The following DNAAF5 variants were observed in gnomAD, a reference collection of about 807,000 sequenced individuals.
The protein encoded by DNAAF5 is dynein axonemal assembly factor 5.
DNAAF5 carries 64 observed loss-of-function variants against 75.8 expected under a neutral mutation model. That is an observed-to-expected ratio of 0.84 (90% CI 0.69 to 1.04). The LOEUF (loss-of-function observed/expected upper bound fraction) is 1.04, where lower values mean the gene tolerates loss of function less well. Ranked by LOEUF, DNAAF5 falls within the 50% of genes least tolerant of loss-of-function variation. DNAAF5 has a pLI of 0.00. For synonymous variants in DNAAF5, 657 were observed against 557.2 expected, an observed-to-expected ratio of 1.18 and a Z score of -2.52; for missense variants, 1,269 against 1,178.5, an observed-to-expected ratio of 1.08 and a Z score of -1.12.
Position 727,222 on chromosome 7 carries a change from C to G in DNAAF5, c.502C>G (p.Leu168Val), listed in dbSNP as rs900496106. Reference sequence around the variant, plus strand: ...GCTCGCGCCCCACCTGGACGACGCTCTGCGCGCGCTGCGCTGCTCCCTGCT... The same window carrying G: ...GCTCGCGCCCCACCTGGACGACGCTGTGCGCGCGCTGCGCTGCTCCCTGCT... The part of the protein sequence containing the change: ...AALAPHLDDA[L>V]RALRCSLLDP... Residue 168 changes from leucine to valine, a missense_variant, in exon 1 of 13, where the codon CTG (leucine) becomes GTG (valine). Physicochemically the swap from Leu to Val is conservative, Grantham distance 32 (BLOSUM62 1). Transcript: ENST00000297440. The G allele has an allele frequency of 2.1e-4, 289 of 1,347,788 alleles. No individual in the cohort carries two copies. Among genetic ancestry groups the G allele is most frequent in the Non-Finnish European group, 2.7e-4 (282 of 1,049,660 alleles). 83.5% of individuals were successfully genotyped at this position (1,347,788 alleles called of 1,614,324 possible).
intron 8 of DNAAF5, among the ~76,000 whole-genome samples, chr7:766,106 A>G (rs897278932): frequency 3.9e-5 from 6 of 152,202 alleles, no homozygotes; most frequent in Non-Finnish European, 7.3e-5. Flanking sequence ...TGGGATTAAC[A>G]GGCATAAGCC....
At chr7:783,861 G>C (rs1199872037) in intron 12 of DNAAF5, among the ~76,000 whole-genome samples, 1 of 152,112 alleles carries the variant, frequency 6.6e-6, no homozygotes, top group African/African-American at 2.4e-5. Flanking sequence ...CTTGCTCTAG[G>C]CCGAGGAGAC....
intron 8 of DNAAF5, among the ~76,000 whole-genome samples, chr7:766,843 A>C (rs921962360): frequency 3.9e-5 from 6 of 152,180 alleles, no homozygotes; most frequent in African/African-American, 7.2e-5. Flanking sequence ...CCAAACAAAC[A>C]GGCAAAATAT....
intron 2 of DNAAF5, among the ~76,000 whole-genome samples, chr7:738,057 C>G (rs1204510359): frequency 4.6e-5 from 7 of 152,132 alleles, no homozygotes; most frequent in Non-Finnish European, 7.3e-5. Flanking sequence ...TAGATTTGCC[C>G]CTTTGAGGCT....
rs1304676375 is a variant in DNAAF5, at chr7:756,917, C to T, written c.1393C>T (p.Arg465Ter). ...VLASAMRGCPREALQPHLAAI... is the reference protein window; with the variant it reads ...VLASAMRGCP ...GGCCTCCGCCATGCGGGGTTGCCCCCGAGAAGCCCTCCAGCCGCACCTGGC... is the reference window on the plus strand; with the variant it reads ...GGCCTCCGCCATGCGGGGTTGCCCCTGAGAAGCCCTCCAGCCGCACCTGGC... The change falls in exon 6 of 13, where the codon CGA (arginine) becomes TGA (stop). Residue 465 changes from arginine to a stop codon, truncating the protein, a stop_gained. Coordinates refer to ENST00000297440, the MANE Select transcript of DNAAF5 (RefSeq NM_017802.4). LOFTEE classifies it high-confidence loss of function. 2.5e-6 allele frequency: 4 copies of T among 1,610,882 alleles called. No homozygotes were observed. Among genetic ancestry groups the T allele is most frequent in the Admixed American group, 3.3e-5 (2 of 60,030 alleles).
chr7:745,680 CAT>C (rs1457968828), intron 4 of DNAAF5, among the ~76,000 whole-genome samples: 178 of 148,514 alleles, frequency 1.2e-3, no homozygotes, highest in African/African-American at 3.6e-3. Context: ...CGTGTACACA[CAT>C]ATACACATCT....
intron 2 of DNAAF5, among the ~76,000 whole-genome samples, chr7:736,265 T>C (rs1281047641): frequency 2.0e-5 from 3 of 152,238 alleles, no homozygotes; most frequent in African/African-American, 7.2e-5. Flanking sequence ...TCTTTGTTGA[T>C]TTTCTCTCTG....
intron 12 of DNAAF5, among the ~76,000 whole-genome samples, chr7:782,987 ACT>A (rs1396061421): frequency 2.0e-5 from 3 of 152,192 alleles, no homozygotes; most frequent in East Asian, 1.9e-4. Context: ...AACGTCAGAA[ACT>A]CTCCTGCGTG....
intron 12 of DNAAF5, among the ~76,000 whole-genome samples, chr7:784,958 C>A (rs888166672): frequency 4.0e-5 from 6 of 151,482 alleles, no homozygotes; most frequent in Non-Finnish European, 5.9e-5. Context: ...CACATAGTGA[C>A]CATGCAGCAT....
At chr7:747,704 G>A (rs1355187999) in intron 4 of DNAAF5, among the ~76,000 whole-genome samples, 5 of 104,034 alleles carry the variant, frequency 4.8e-5, no homozygotes, top group South Asian at 4.5e-4. Context: ...GGTGGCCCAC[G>A]GTGTTGGTGG....
intron 7 of DNAAF5, among the ~76,000 whole-genome samples, chr7:763,475 A>C (rs535743293): frequency 6.6e-6 from 1 of 152,190 alleles, no homozygotes; most frequent in Non-Finnish European, 1.5e-5. Flanking sequence ...TCACCACCTC[A>C]GAGGAGCCCT....
In DNAAF5 at chr7:729,766, A is replaced by G. The variant is rs1781504659; in HGVS notation, c.699A>G (p.Ala233=). 1.2e-6 allele frequency: 2 copies of G among 1,614,078 alleles called. No homozygotes were observed. Among genetic ancestry groups the G allele is most frequent in the South Asian group, 1.1e-5 (1 of 91,086 alleles). The change falls in exon 2 of 13, where the codon GCA becomes GCG. Residue 233 remains alanine (A), a synonymous_variant. Transcript: ENST00000297440. ...VRVAAIEATG[A]VIHFGNGKSV... is the part of the protein sequence containing the mutation. ...TGGCCGCCATTGAAGCCACAGGCGC[A>G]GTGATCCATTTTGGCAACGGGAAGT...
intron 8 of DNAAF5, chr7:769,282 GC>G: frequency 1.4e-6 from 1 of 703,300 alleles, no homozygotes. Flanking sequence ...TCCTTCTGCG[GC>G]CCCAACCCAG....
intron 6 of DNAAF5, among the ~76,000 whole-genome samples, chr7:759,325 C>T (rs770608601): frequency 2.4e-4 from 36 of 152,350 alleles, no homozygotes; most frequent in Admixed American, 5.9e-4. Flanking sequence ...GCAGTAGGTA[C>T]TTCCAGGTGT....
intron 9 of DNAAF5, chr7:770,955 T>G: frequency 1.2e-5 from 1 of 82,198 alleles, no homozygotes. Context: ...CCATCCTCAC[T>G]GGGTAAACAC....
intron 4 of DNAAF5, among the ~76,000 whole-genome samples, chr7:749,334 C>T: frequency 6.6e-6 from 1 of 152,168 alleles, no homozygotes; most frequent in Non-Finnish European, 1.5e-5. Context: ...CTTGGCAATG[C>T]CTGAGCGTAA....
At chr7:769,811 G>A (rs1044415231) in intron 8 of DNAAF5, among the ~76,000 whole-genome samples, 1 of 152,028 alleles carries the variant, frequency 6.6e-6, no homozygotes, top group South Asian at 2.1e-4. Flanking sequence ...AGCTAATTTT[G>A]TATTTTTAGT....
chr7:727,372 A>G lies in DNAAF5; in HGVS notation c.595+57A>G, dbSNP rs1330885990. On this transcript the variant is annotated intron_variant, in intron 1 of 12. Transcript: ENST00000297440. ...ACCCCACACTCTCACCCCCACCTCC[A>G]CCTCCGCGGCCCCTCTCACAACCCC... The G allele has an allele frequency of 2.4e-5, 17 of 708,464 alleles. No homozygotes were observed. In the East Asian group the frequency reaches 1.5e-3, roughly 62 times the overall value. 43.9% of individuals were successfully genotyped at this position (708,464 alleles called of 1,614,324 possible).
intron 9 of DNAAF5, 134 bp downstream of exon 9, chr7:770,752 C>T (rs940562699): frequency 1.4e-4 from 109 of 805,600 alleles, no homozygotes; most frequent in South Asian, 9.7e-4. Context: ...CAAGGGGTTC[C>T]CCATCTCCCT....
Sources: allele counts gnomAD v4.1 joint callset (sites outside exome capture counted in the v4.1 genomes callset), GRCh38; gene constraint gnomAD v4.1.1; transcripts MANE v1.5; gene names NCBI Gene and HGNC (gene_info 2026-07-23, HGNC 2026-07-21).